OR9Q1: variants seen among roughly 807,000 people sequenced by gnomAD.
The protein encoded by OR9Q1 is olfactory receptor family 9 subfamily Q member 1.
For missense variants in OR9Q1, 374 were observed against 378.8 expected (o/e 0.99, Z 0.11); for synonymous variants, 153 against 148.6 (o/e 1.03, Z -0.22).
At chr11:58,083,881 G>A (rs1263347127) in intron 2 of OR9Q1, among the ~76,000 whole-genome samples, 4 of 151,924 alleles carry the variant, frequency 2.6e-5, no homozygotes, top group African/African-American at 9.7e-5. Flanking sequence ...ATAGTTTGAA[G>A]TTGGGTAGTG....
intron 2 of OR9Q1, among the ~76,000 whole-genome samples, chr11:58,127,858 C>T (rs1854103987): frequency 6.6e-6 from 1 of 152,178 alleles, no homozygotes; most frequent in African/African-American, 2.4e-5. Flanking sequence ...TTTTGGAAAA[C>T]CCCAATGTCC....
At chr11:58,133,783 C>T (rs548718909) in intron 2 of OR9Q1, among the ~76,000 whole-genome samples, 11 of 152,266 alleles carry the variant, frequency 7.2e-5, no homozygotes, top group Admixed American at 2.0e-4. Context: ...TTCAGCATGA[C>T]GCCATTGACG....
intron 2 of OR9Q1, among the ~76,000 whole-genome samples, chr11:58,149,045 T>C (rs1203997800): frequency 6.6e-6 from 1 of 152,172 alleles, no homozygotes; most frequent in Admixed American, 6.5e-5. Context: ...TTTGTTCTTA[T>C]TTAAAACATA....
intron 2 of OR9Q1, among the ~76,000 whole-genome samples, chr11:58,166,736 C>T (rs1854509052): frequency 1.3e-5 from 2 of 152,134 alleles, no homozygotes; most frequent in African/African-American, 4.8e-5. Context: ...CTGCGGGAAA[C>T]ATTTGGCATG....
chr11:58,091,374 T>A (rs575487792), intron 2 of OR9Q1, among the ~76,000 whole-genome samples: 1 of 152,316 alleles, frequency 6.6e-6, no homozygotes, highest in South Asian at 2.1e-4. Context: ...AAAGAACTTA[T>A]TTGTTTCTGC....
intron 2 of OR9Q1, chr11:58,078,230 C>T (rs1221007107): frequency 6.6e-6 from 1 of 152,194 alleles, no homozygotes; most frequent in Non-Finnish European, 1.5e-5. Context: ...TCTTGAAGTT[C>T]ATGGCTTGTA....
At chr11:58,057,098 A>G (rs1348807003) in intron 2 of OR9Q1, among the ~76,000 whole-genome samples, 2 of 142,204 alleles carry the variant, frequency 1.4e-5, no homozygotes, top group African/African-American at 2.6e-5. Flanking sequence ...GGTTCAAGTG[A>G]TTCTCATGCC....
At chr11:58,025,760 TG>T (rs1293886754) in intron 1 of OR9Q1, among the ~76,000 whole-genome samples, 1 of 152,156 alleles carries the variant, frequency 6.6e-6, no homozygotes, top group Non-Finnish European at 1.5e-5. Flanking sequence ...AGGCATCAGG[TG>T]GTCTAATGCC....
At chr11:58,046,665 C>T (rs942313656) in intron 1 of OR9Q1, among the ~76,000 whole-genome samples, 6 of 151,970 alleles carry the variant, frequency 3.9e-5, no homozygotes, top group South Asian at 2.1e-4. Flanking sequence ...AGTTTGAGAC[C>T]GACCTGGCCA....
chr11:58,157,443 G>A (rs186619509), intron 2 of OR9Q1, among the ~76,000 whole-genome samples: 12 of 152,210 alleles, frequency 7.9e-5, no homozygotes, highest in Admixed American at 7.2e-4. Context: ...GATTGTAAAC[G>A]TCATGAGGGC....
At chr11:58,078,377 C>T (rs909002388) in intron 2 of OR9Q1, 4 of 152,110 alleles carry the variant, frequency 2.6e-5, no homozygotes, top group African/African-American at 9.7e-5. Context: ...CCAGAATGGC[C>T]AGGATCTGAG....
At chr11:58,043,817 A>T (rs768980926) in intron 1 of OR9Q1, among the ~76,000 whole-genome samples, 1 of 152,152 alleles carries the variant, frequency 6.6e-6, no homozygotes, top group Non-Finnish European at 1.5e-5. Flanking sequence ...ACTTCACTTT[A>T]TAGTCTAGTT....
chr11:58,048,118 G>A (rs1853237683), intron 1 of OR9Q1, among the ~76,000 whole-genome samples: 1 of 152,166 alleles, frequency 6.6e-6, no homozygotes, highest in African/African-American at 2.4e-5. Context: ...CTGGTCTTAT[G>A]AATAGGAACC....
intron 2 of OR9Q1, among the ~76,000 whole-genome samples, chr11:58,103,188 T>C (rs1471015713): frequency 6.6e-6 from 1 of 152,048 alleles, no homozygotes; most frequent in Admixed American, 6.6e-5. Flanking sequence ...AGAAAACACG[T>C]CCTGCTTCAC....
At chr11:58,173,861 T>A (rs1854578949) in intron 2 of OR9Q1, among the ~76,000 whole-genome samples, 1 of 152,172 alleles carries the variant, frequency 6.6e-6, no homozygotes, top group South Asian at 2.1e-4. Flanking sequence ...TGGGCAGACA[T>A]ATGACTTGTC....
chr11:58,116,069 A>G (rs1408395538), intron 2 of OR9Q1, among the ~76,000 whole-genome samples: 4 of 152,206 alleles, frequency 2.6e-5, no homozygotes, highest in Non-Finnish European at 5.9e-5. Flanking sequence ...TCCTTCTCAC[A>G]TAAAAGAAGC....
At chr11:58,153,556 CT>C (rs5792084) in intron 2 of OR9Q1, among the ~76,000 whole-genome samples, 26,432 of 146,016 alleles carry the variant, frequency 0.18, 2,468 homozygotes, top group African/African-American at 0.23. Context: ...TGCAAGAAAT[CT>C]TTTTTTTTTT....
chr11:58,097,955 G>A (rs1853747268), intron 2 of OR9Q1, among the ~76,000 whole-genome samples: 1 of 152,188 alleles, frequency 6.6e-6, no homozygotes, highest in Admixed American at 6.5e-5. Context: ...TGGAGCATGG[G>A]AGAGAGATGG....
chr11:58,063,069 T>A (rs1853396309), intron 2 of OR9Q1, among the ~76,000 whole-genome samples: 1 of 152,170 alleles, frequency 6.6e-6, no homozygotes, highest in African/African-American at 2.4e-5. Context: ...TCTACACCAC[T>A]GGTGGTGGTG....
Sources: gnomAD v4.1 joint callset for allele counts (sites outside exome capture counted in the v4.1 genomes callset) on GRCh38, gnomAD v4.1.1 for gene constraint, MANE v1.5 for transcripts, NCBI Gene and HGNC (gene_info 2026-07-23, HGNC 2026-07-21) for gene names.